The following ZNF710 variants were observed in gnomAD, a reference collection of about 807,000 sequenced individuals.
The protein encoded by ZNF710 is zinc finger protein 710.
ZNF710 carries 13 observed loss-of-function variants against 50.6 expected under a neutral mutation model. The ratio of observed to expected loss-of-function variants is 0.26; its 90% CI spans 0.17 to 0.41. The LOEUF is 0.41. ZNF710 is among the 10% of genes least tolerant of loss of function. ZNF710 has a pLI of 1.00. For missense variants in ZNF710, 721 were observed against 936.6 expected (o/e 0.77, Z 3.01); for synonymous variants, 383 against 397.0 (o/e 0.96, Z 0.42).
intron 1 of ZNF710, among the ~76,000 whole-genome samples, chr15:90,058,848 G>A (rs984753671): frequency 6.6e-6 from 1 of 152,112 alleles, no homozygotes; most frequent in East Asian, 1.9e-4. Flanking sequence ...AGATTCATAA[G>A]TTACAGTCTC....
At chr15:90,020,018 G>A (rs1441229499) in intron 1 of ZNF710, among the ~76,000 whole-genome samples, 2 of 152,206 alleles carry the variant, frequency 1.3e-5, no homozygotes, top group Non-Finnish European at 2.9e-5. Context: ...CAGGAGTCCA[G>A]GCCAAGGAAG....
intron 1 of ZNF710, among the ~76,000 whole-genome samples, chr15:90,005,556 C>T (rs991908765): frequency 6.6e-6 from 1 of 152,166 alleles, no homozygotes. Context: ...TCAAGCGATT[C>T]TCCTGCCTCA....
chr15:90,039,883 C>G (rs1336991987), intron 1 of ZNF710, among the ~76,000 whole-genome samples: 2 of 152,182 alleles, frequency 1.3e-5, no homozygotes, highest in African/African-American at 4.8e-5. Context: ...GCCTGGGACA[C>G]CAAAGTCCCC....
At position 90,059,781 on chromosome 15, in the gene ZNF710, T is replaced by C. The variant is rs1899946923; in HGVS notation, c.-28-7329T>C. Reference sequence around the variant, plus strand: ...TCTGCGCATGTGAGTAGAGTTTCCCTTGAAGCCTCCTGCGAGGAGGACAAC... The same window carrying C: ...TCTGCGCATGTGAGTAGAGTTTCCCCTGAAGCCTCCTGCGAGGAGGACAAC... On this transcript the variant is annotated intron_variant, in intron 1 of 4. Transcript: ENST00000268154. The surrounding 1 kb of genome is among the most constrained non-coding windows in gnomAD (Gnocchi z 4.1). Among the ~76,000 whole-genome samples the C allele has an allele frequency of 6.6e-6, 1 of 152,336 alleles. No individual in the cohort carries two copies. Among genetic ancestry groups the C allele is most frequent in the East Asian group, 1.9e-4 (1 of 5,178 alleles).
chr15:90,024,887 A>C (rs1442664471), intron 1 of ZNF710: 1 of 152,246 alleles, frequency 6.6e-6, no homozygotes, highest in East Asian at 1.9e-4. Flanking sequence ...AAGGGCCTGC[A>C]CCGGGTATTT....
chr15:90,068,076 C>A lies in ZNF710; in HGVS notation c.939C>A (p.His313Gln), dbSNP rs1900248477. Residue 313 changes from histidine to glutamine, a missense_variant, in exon 2 of 5, where the codon CAC becomes CAA. Coordinates refer to ENST00000268154, the MANE Select transcript of ZNF710 (RefSeq NM_198526.4). This position sits in a 1 kb window ranked among gnomAD's most constrained non-coding sequence, Gnocchi z 5.0. ...CGTCCAAGTACAACCTGGTGACGCACATCCTGGGCCACAACGGCATCAAGC... is the reference window on the plus strand; with the variant it reads ...CGTCCAAGTACAACCTGGTGACGCAAATCCTGGGCCACAACGGCATCAAGC... ...SYTSKYNLVT[H>Q]ILGHNGIKPH... The A allele has an allele frequency of 1.9e-6, 3 of 1,614,138 alleles. No individual in the cohort carries two copies. The highest frequency in any genetic ancestry group is 2.5e-6 in the Non-Finnish European group (3 of 1,180,054).
Position 90,063,989 on chromosome 15 carries a change from C to T in ZNF710, c.-28-3121C>T, listed in dbSNP as rs181054691. ...TCACACGGCTAGTAGACGGCAGAGC[C>T]TGGATTGAACTCAGCATCCAGGGCC... On this transcript the variant is annotated intron_variant, in intron 1 of 4. Coordinates refer to ENST00000268154, the MANE Select transcript of ZNF710 (RefSeq NM_198526.4). Among the ~76,000 whole-genome samples the T allele has an allele frequency of 3.6e-3, 554 of 152,336 alleles. 3 individuals carry two copies. The highest frequency in any genetic ancestry group is 0.013 in the African/African-American group (520 of 41,572).
chr15:90,068,536 G>A lies in ZNF710; in HGVS notation c.1399G>A (p.Glu467Lys). ...HQNVRPFVCTECGMEFSQIHH... is the reference protein window; with the variant it reads ...HQNVRPFVCTKCGMEFSQIHH... The stretch of plus-strand genomic sequence containing the variant: ...GAACGTGCGACCCTTCGTGTGCACT[G>A]AATGCGGCATGGAGTTCAGCCAGAT... The change falls in exon 2 of 5, where the codon GAA (glutamate) becomes AAA (lysine). Residue 467 changes from glutamate (E) to lysine (K), a missense_variant. Coordinates refer to ENST00000268154, the MANE Select transcript of ZNF710 (RefSeq NM_198526.4). This position sits in a 1 kb window ranked among gnomAD's most constrained non-coding sequence, Gnocchi z 5.0. 6.2e-7 allele frequency: 1 copy of A among 1,612,040 alleles called. No individual in the cohort carries two copies. The highest frequency in any genetic ancestry group is 8.5e-7 in the Non-Finnish European group (1 of 1,179,974).
Position 90,068,395 on chromosome 15 carries a change from A to G in ZNF710, c.1258A>G (p.Thr420Ala). ...VECGLDFSTL[T>A]QLKRHLASHQ... ...GTGCGGCCTGGACTTCTCCACCCTG[A>G]CCCAGCTCAAGCGCCACCTGGCCTC... Residue 420 changes from threonine (T) to alanine (A), a missense_variant, in exon 2 of 5, where the codon ACC (threonine) becomes GCC (alanine). By Grantham distance (58) the Thr-to-Ala change is moderately conservative. Transcript: ENST00000268154. This position sits in a 1 kb window ranked among gnomAD's most constrained non-coding sequence, Gnocchi z 5.0. 7 of 1,613,378 alleles carry G rather than the reference A, an allele frequency of 4.3e-6. No homozygotes were observed. The highest frequency in any genetic ancestry group is 5.9e-6 in the Non-Finnish European group (7 of 1,179,842).
intron 1 of ZNF710, among the ~76,000 whole-genome samples, chr15:90,004,492 G>C (rs79353742): frequency 6.6e-6 from 1 of 152,192 alleles, no homozygotes; most frequent in Non-Finnish European, 1.5e-5. Flanking sequence ...CCTAGCCCGC[G>C]GCAGGACTCA....
intron 1 of ZNF710, among the ~76,000 whole-genome samples, chr15:90,030,413 G>A (rs143248069): frequency 6.6e-6 from 1 of 151,492 alleles, no homozygotes; most frequent in East Asian, 1.9e-4. Context: ...AGAGGAAGGA[G>A]GGATGGGTTT....
At chr15:90,064,502 C>T (rs151147073) in intron 1 of ZNF710, among the ~76,000 whole-genome samples, 109 of 152,138 alleles carry the variant, frequency 7.2e-4, no homozygotes, top group African/African-American at 2.5e-3. Context: ...TTTTTTCTTC[C>T]TTTGAGACAG....
rs181087604 is a variant in ZNF710 at position 90,042,093 on chromosome 15, T to C, written c.-28-25017T>C. On this transcript the variant is annotated intron_variant, in intron 1 of 4. Transcript: ENST00000268154. ...TTGTATTTTTAGTAGAGATGGGGTT[T>C]CACCATGTGGGCCAGGCTGGCTTGA... Among the ~76,000 whole-genome samples the C allele has an allele frequency of 2.7e-4, 41 of 152,060 alleles. No individual in the cohort carries two copies. The East Asian group carries it at 7.7e-3, about 29-fold the overall frequency.
intron 1 of ZNF710, among the ~76,000 whole-genome samples, chr15:90,013,223 C>T (rs1240854455): frequency 3.3e-5 from 5 of 152,292 alleles, no homozygotes; most frequent in South Asian, 4.1e-4. Flanking sequence ...GGCTCAGTCT[C>T]CTGAGGAGCT....
Position 90,079,070 on chromosome 15 carries a change from T to A in ZNF710, c.1826-590T>A, listed in dbSNP as rs1900659992. On this transcript the variant is annotated intron_variant, in intron 4 of 4. Coordinates refer to ENST00000268154, the MANE Select transcript of ZNF710 (RefSeq NM_198526.4). Reference sequence around the variant, plus strand: ...GCTAGAACCAACAGAAAAGCACAGCTGCCGGCAGGAGGCCTCACCCTCCCG... The same window carrying A: ...GCTAGAACCAACAGAAAAGCACAGCAGCCGGCAGGAGGCCTCACCCTCCCG... 2.0e-5 allele frequency among the ~76,000 whole-genome samples: 3 copies of A among 152,318 alleles called. No homozygotes were observed. In the South Asian group the frequency reaches 6.2e-4, roughly 32 times the overall value.
rs9806319 is a variant in ZNF710 at position 90,072,900 on chromosome 15, G to A, written c.1459-171G>A. 0.3 allele frequency among the ~76,000 whole-genome samples: 45,787 copies of A among 151,950 alleles called. 7,223 individuals carry two copies. Among genetic ancestry groups the A allele is most frequent in the East Asian group, 0.53 (2,729 of 5,164 alleles). On this transcript the variant is annotated intron_variant, in intron 2 of 4. Coordinates refer to ENST00000268154, the MANE Select transcript of ZNF710 (RefSeq NM_198526.4). ...AAGTGGCTCTGCCCCCACATTCTTC[G>A]GTGGTTTTAAACAAGTGTTACCTAT...
chr15:90,067,041 G>A lies in ZNF710; in HGVS notation c.-28-69G>A, dbSNP rs989872961. The A allele has an allele frequency of 1.1e-5, 17 of 1,482,776 alleles. No individual in the cohort carries two copies. In the African/African-American group the frequency reaches 1.7e-4, roughly 15 times the overall value. 91.9% of individuals were successfully genotyped at this position (1,482,776 alleles called of 1,614,324 possible). A position where few individuals can be genotyped will look rare whatever the true frequency, so the allele number is the denominator to read the frequency against. On this transcript the variant is annotated intron_variant, in intron 1 of 4. Transcript: ENST00000268154. The surrounding 1 kb of genome is among the most constrained non-coding windows in gnomAD (Gnocchi z 8.1). Reference sequence around the variant, plus strand: ...CCCAAAATCAGCCAAGCCCTTGTCTGTGCTGTGTCTGTTGTCTGTCTGTGC... The same window carrying A: ...CCCAAAATCAGCCAAGCCCTTGTCTATGCTGTGTCTGTTGTCTGTCTGTGC...
chr15:90,068,714 C>G lies in ZNF710; in HGVS notation c.1458+119C>G, dbSNP rs1900277210. 8.6e-7 allele frequency: 1 copy of G among 1,162,282 alleles called. No individual in the cohort carries two copies. The highest frequency in any genetic ancestry group is 1.2e-6 in the Non-Finnish European group (1 of 832,496). The allele number at this position is 1,162,282 out of a possible 1,614,324, so 72.0% of individuals were successfully genotyped here. A position where few individuals can be genotyped will look rare whatever the true frequency, so the allele number is the denominator to read the frequency against. ...GGTCTCCTAGTTTTATCGTTACGTA[C>G]TTATTTTGATGAGTATTAGAAATCA... On this transcript the variant is annotated intron_variant, in intron 2 of 4. Transcript: ENST00000268154. The surrounding 1 kb of genome is among the most constrained non-coding windows in gnomAD (Gnocchi z 5.0).
intron 1 of ZNF710, among the ~76,000 whole-genome samples, chr15:90,019,291 C>A (rs1404118189): frequency 7.7e-6 from 1 of 130,530 alleles, no homozygotes; most frequent in Non-Finnish European, 1.5e-5. Flanking sequence ...TTGTATAGTT[C>A]TTTTGAACAG....
Sources: allele counts gnomAD v4.1 joint callset (sites outside exome capture counted in the v4.1 genomes callset), GRCh38; gene constraint gnomAD v4.1.1; non-coding constraint Gnocchi (gnomAD v3.1); transcripts MANE v1.5; gene names NCBI Gene and HGNC (gene_info 2026-07-23, HGNC 2026-07-21).